The following KCNQ5 variants were observed in gnomAD, a reference collection of about 807,000 sequenced individuals.
KCNQ5 encodes the protein potassium voltage-gated channel subfamily Q member 5.
Under a neutral mutation model 98.2 loss-of-function variants are expected in KCNQ5, and 30 were observed. That is an observed-to-expected ratio of 0.31 (90% CI 0.23 to 0.41). The LOEUF (loss-of-function observed/expected upper bound fraction) is 0.41, where lower values mean the gene tolerates loss of function less well. Ranked by LOEUF, KCNQ5 falls within the 10% of genes least tolerant of loss-of-function variation. The pLI is 1.00. For missense variants in KCNQ5, 835 were observed against 1,182.5 expected (o/e 0.71, Z 4.31); for synonymous variants, 458 against 449.4 (o/e 1.02, Z -0.24).
intron 9 of KCNQ5, among the ~76,000 whole-genome samples, chr6:73,126,673 G>A (rs1775998845): frequency 6.6e-6 from 1 of 151,998 alleles, no homozygotes; most frequent in African/African-American, 2.4e-5. Context: ...AATCACACAT[G>A]GAAATTTCTT....
chr6:72,998,401 G>C (rs551077983), intron 1 of KCNQ5, among the ~76,000 whole-genome samples: 4 of 152,082 alleles, frequency 2.6e-5, no homozygotes, highest in Non-Finnish European at 5.9e-5. Flanking sequence ...TCTTCTTCCT[G>C]TTAGCATCTT....
intron 2 of KCNQ5, among the ~76,000 whole-genome samples, chr6:73,040,058 C>A (rs1020581462): frequency 2.0e-5 from 3 of 151,812 alleles, no homozygotes; most frequent in African/African-American, 4.8e-5. Context: ...TATTTCTGAA[C>A]AATAGGGCTT....
At chr6:72,839,417 A>G (rs960675270) in intron 1 of KCNQ5, among the ~76,000 whole-genome samples, 9 of 152,104 alleles carry the variant, frequency 5.9e-5, no homozygotes, top group Non-Finnish European at 1.0e-4. Flanking sequence ...TCTGTTGGTT[A>G]TTTCTCCCTT....
intron 1 of KCNQ5, among the ~76,000 whole-genome samples, chr6:72,644,480 C>A (rs1363797304): frequency 6.6e-6 from 1 of 152,092 alleles, no homozygotes; most frequent in African/African-American, 2.4e-5. Flanking sequence ...CTGGTCTGCA[C>A]ATGTCTGCAA....
intron 3 of KCNQ5, among the ~76,000 whole-genome samples, chr6:73,048,459 G>A (rs1772069861): frequency 1.3e-5 from 2 of 152,196 alleles, no homozygotes; most frequent in Non-Finnish European, 1.5e-5. Context: ...TGAAGGCCAT[G>A]TAGCCTCTGC....
chr6:72,935,135 A>T (rs903583151), intron 1 of KCNQ5, among the ~76,000 whole-genome samples: 55 of 127,184 alleles, frequency 4.3e-4, no homozygotes, highest in African/African-American at 1.7e-3. Context: ...CAATGGCGTG[A>T]TCTTGGCTCG....
intron 1 of KCNQ5, among the ~76,000 whole-genome samples, chr6:72,673,093 G>A (rs537535886): frequency 6.6e-6 from 1 of 152,282 alleles, no homozygotes; most frequent in Non-Finnish European, 1.5e-5. Context: ...CTCTGGGGAG[G>A]CTGTGGAATC....
At chr6:72,712,611 T>G (rs1403864582) in intron 1 of KCNQ5, among the ~76,000 whole-genome samples, 2 of 152,190 alleles carry the variant, frequency 1.3e-5, no homozygotes, top group Non-Finnish European at 2.9e-5. Flanking sequence ...TCATCATTCT[T>G]TGTATTAAAT....
chr6:72,953,122 A>T (rs1208902409), intron 1 of KCNQ5, among the ~76,000 whole-genome samples: 1 of 152,192 alleles, frequency 6.6e-6, no homozygotes, highest in Non-Finnish European at 1.5e-5. Flanking sequence ...TTCTAGATAC[A>T]CACCACATAG....
intron 1 of KCNQ5, among the ~76,000 whole-genome samples, chr6:72,858,014 T>C (rs1282456074): frequency 6.6e-6 from 1 of 152,068 alleles, no homozygotes; most frequent in African/African-American, 2.4e-5. Context: ...AAAAATATAT[T>C]TGAGTGAAAA....
intron 1 of KCNQ5, among the ~76,000 whole-genome samples, chr6:72,710,620 G>A (rs142955942): frequency 8.3e-4 from 126 of 152,254 alleles, no homozygotes; most frequent in Admixed American, 1.4e-3. Context: ...TGATAAAAGC[G>A]TCAGTTCATT....
intron 1 of KCNQ5, among the ~76,000 whole-genome samples, chr6:72,838,924 T>C (rs954457710): frequency 8.9e-6 from 1 of 112,482 alleles, no homozygotes; most frequent in Non-Finnish European, 1.6e-5. Flanking sequence ...CACTCCAGCC[T>C]GGGCGACAGA....
intron 1 of KCNQ5, among the ~76,000 whole-genome samples, chr6:72,692,330 C>A (rs1490167694): frequency 2.6e-5 from 4 of 152,194 alleles, no homozygotes; most frequent in African/African-American, 9.6e-5. Context: ...GAGTAAGTCA[C>A]ATTTAGCTTG....
intron 1 of KCNQ5, among the ~76,000 whole-genome samples, chr6:72,754,989 C>T (rs1446858705): frequency 2.0e-5 from 3 of 151,322 alleles, no homozygotes; most frequent in African/African-American, 7.3e-5. Context: ...TTATTCATGT[C>T]TGTTAGTTTT....
chr6:72,793,183 T>G (rs922554502), intron 1 of KCNQ5, among the ~76,000 whole-genome samples: 2 of 152,244 alleles, frequency 1.3e-5, no homozygotes, highest in African/African-American at 4.8e-5. Flanking sequence ...CTTATCTCCA[T>G]TTTGCAAATA....
chr6:72,738,382 A>C (rs1770960766), intron 1 of KCNQ5, among the ~76,000 whole-genome samples: 1 of 152,100 alleles, frequency 6.6e-6, no homozygotes, highest in Non-Finnish European at 1.5e-5. Flanking sequence ...GGTGTGTAAA[A>C]AAAAATTATT....
chr6:72,839,115 C>G (rs1776669797), intron 1 of KCNQ5, among the ~76,000 whole-genome samples: 1 of 151,880 alleles, frequency 6.6e-6, no homozygotes, highest in South Asian at 2.1e-4. Flanking sequence ...TATTTTATGG[C>G]CTTTCGAGAG....
At chr6:72,831,739 A>G (rs554503101) in intron 1 of KCNQ5, among the ~76,000 whole-genome samples, 1 of 130,948 alleles carries the variant, frequency 7.6e-6, no homozygotes. Flanking sequence ...TTAAAAAAAA[A>G]ATAAAATAAA....
chr6:72,736,569 G>C (rs2207268), intron 1 of KCNQ5, among the ~76,000 whole-genome samples: 45,925 of 136,006 alleles, frequency 0.34, 10,506 homozygotes, highest in African/African-American at 0.64. Flanking sequence ...GCGGGATCTC[G>C]GCTCACTGCA....
Sources: gnomAD v4.1 joint callset for allele counts (sites outside exome capture counted in the v4.1 genomes callset) on GRCh38, gnomAD v4.1.1 for gene constraint, MANE v1.5 for transcripts, NCBI Gene and HGNC (gene_info 2026-07-23, HGNC 2026-07-21) for gene names.